CHEK2: variants seen among roughly 807,000 people sequenced by gnomAD.
CHEK2 encodes checkpoint kinase 2, also known as serine/threonine-protein kinase Chk2.
A neutral mutation model predicts 69.1 loss-of-function variants in CHEK2; 71 were observed. The observed-to-expected ratio is 1.03, with a 90% CI of 0.85 to 1.25. CHEK2 has a LOEUF of 1.25. CHEK2 is among the 50% of genes most tolerant of loss of function. CHEK2 has a pLI of 0.00. For synonymous variants in CHEK2, 189 were observed against 226.9 expected (o/e 0.83, Z 1.50); for missense variants, 664 against 649.6 (o/e 1.02, Z -0.24).
chr22:28,695,828 TGA>T lies in CHEK2; in HGVS notation c.1139_1140del (p.Leu380HisfsTer14), dbSNP rs1060502684. 2 of 1,613,874 alleles carry T rather than the reference TGA, an allele frequency of 1.2e-6. No homozygotes were observed. The highest frequency in any genetic ancestry group is 1.7e-6 in the Non-Finnish European group (2 of 1,179,758). ...GTGGGGGTTCCACATAAGGTTCTCA[TGA>T]GAGAGGTCTCTCCCAAAATCTTGGA... The part of the protein sequence containing the change: ...GHSKILGETS[L>X]MRTLCGTPTY... On this transcript the variant is annotated frameshift_variant, in exon 11 of 15. Transcript: ENST00000404276. LOFTEE classifies it high-confidence loss of function.
chr22:28,703,016 G>A (rs758533318), intron 8 of CHEK2, among the ~76,000 whole-genome samples: 26 of 152,280 alleles, frequency 1.7e-4, no homozygotes, highest in Admixed American at 5.9e-4. Context: ...TTTTCGATCT[G>A]AGGTTGGTTG....
chr22:28,702,554 T>C (rs1410272565), intron 8 of CHEK2, among the ~76,000 whole-genome samples: 1 of 144,280 alleles, frequency 6.9e-6, no homozygotes. Flanking sequence ...TTTTTTTTTT[T>C]TTAATTTTTT....
intron 2 of CHEK2, 52 bp from the exon 3 acceptor site, chr22:28,725,419 G>T (rs776588353): frequency 6.2e-7 from 1 of 1,610,198 alleles, no homozygotes; most frequent in Admixed American, 1.7e-5. Flanking sequence ...TGTATCAAAC[G>T]TTTAAAAATT....
chr22:28,731,598 A>G (rs1337367062), intron 2 of CHEK2, among the ~76,000 whole-genome samples: 1 of 151,328 alleles, frequency 6.6e-6, no homozygotes, highest in Non-Finnish European at 1.5e-5. Context: ...TCCGTCTCAA[A>G]TAATAATAAT....
Position 28,725,040 on chromosome 22 carries a change from T to TC in CHEK2, c.528dup (p.Lys177GlufsTer9). 6.2e-7 allele frequency: 1 copy of TC among 1,614,154 alleles called. No individual in the cohort carries two copies. Among genetic ancestry groups the TC allele is most frequent in the South Asian group, 1.1e-5 (1 of 91,084 alleles). On this transcript the variant is annotated frameshift_variant, in exon 4 of 15. Coordinates refer to ENST00000404276, the MANE Select transcript of CHEK2 (RefSeq NM_007194.4). LOFTEE classifies it high-confidence loss of function. ...TTATTCAAAGGACGGCGTTTTCCTT[T>TC]CCCTACAAGCTCTGTATTTACAAAG...
Position 28,725,002 on chromosome 22 carries a change from A to C in CHEK2, c.567T>G (p.Ile189Met). The change falls in exon 4 of 15, where the codon ATT (isoleucine) becomes ATG (methionine). Residue 189 changes from isoleucine to methionine, a missense_variant. Transcript: ENST00000404276. The part of the protein sequence containing the change: ...KRRPLNNNSE[I>M]ALSLSRNKVF... ...CTTTATTTCTGCTTAGTGACAGTGC[A>C]ATTTCAGAATTGTTATTCAAAGGAC... 6.2e-7 allele frequency: 1 copy of C among 1,614,034 alleles called. No homozygotes were observed. Among genetic ancestry groups the C allele is most frequent in the Non-Finnish European group, 8.5e-7 (1 of 1,179,990 alleles).
At chr22:28,689,076 T>C in intron 14 of CHEK2, 59 bp downstream of exon 14, 1 of 1,136,406 alleles carries the variant, frequency 8.8e-7, no homozygotes, top group Non-Finnish European at 1.3e-6. Context: ...TTTCATCATC[T>C]TTGCTTATCA....
intron 6 of CHEK2, among the ~76,000 whole-genome samples, chr22:28,711,313 T>C (rs17883539): frequency 6.7e-4 from 102 of 152,252 alleles, no homozygotes; most frequent in Admixed American, 1.8e-3. Flanking sequence ...CACTGCCATA[T>C]TACCCAGAAC....
At chr22:28,697,122 A>T in intron 9 of CHEK2, 135 bp from the exon 10 acceptor site, 1 of 685,604 alleles carries the variant, frequency 1.5e-6, no homozygotes, top group Non-Finnish European at 2.7e-6. Flanking sequence ...CTCCAAAATC[A>T]TAGAAAACTG....
At chr22:28,717,238 T>C (rs1198496091) in intron 5 of CHEK2, among the ~76,000 whole-genome samples, 1 of 151,858 alleles carries the variant, frequency 6.6e-6, no homozygotes, top group Non-Finnish European at 1.5e-5. Context: ...ATTAGCTGGG[T>C]GTGGTGGCAC....
At chr22:28,694,822 A>G (rs1415816792) in intron 12 of CHEK2, among the ~76,000 whole-genome samples, 1 of 152,378 alleles carries the variant, frequency 6.6e-6, no homozygotes, top group Non-Finnish European at 1.5e-5. Flanking sequence ...ACTTGTGTAC[A>G]TGATACTTAA....
At chr22:28,723,942 G>T (rs1025315349) in intron 4 of CHEK2, among the ~76,000 whole-genome samples, 3 of 150,776 alleles carry the variant, frequency 2.0e-5, no homozygotes, top group African/African-American at 7.3e-5. Context: ...TCTCGAAAAA[G>T]AAAGAAAGAA....
intron 2 of CHEK2, chr22:28,726,360 C>T (rs1380767939): frequency 6.7e-6 from 1 of 149,310 alleles, no homozygotes; most frequent in Non-Finnish European, 1.5e-5. Context: ...CAGAGCAAGA[C>T]CCTGTCTCAA....
At chr22:28,723,980 G>A (rs1002462624) in intron 4 of CHEK2, among the ~76,000 whole-genome samples, 3 of 152,056 alleles carry the variant, frequency 2.0e-5, no homozygotes, top group Admixed American at 6.6e-5. Flanking sequence ...ATGAAGAAAG[G>A]AAAGAATGAG....
chr22:28,703,077 T>C (rs572671281), intron 8 of CHEK2, among the ~76,000 whole-genome samples: 71 of 152,310 alleles, frequency 4.7e-4, no homozygotes, highest in African/African-American at 1.6e-3. Context: ...TATAACAATA[T>C]TGCCCCATGG....
chr22:28,715,213 G>A (rs1475136403), intron 5 of CHEK2, among the ~76,000 whole-genome samples: 1 of 152,022 alleles, frequency 6.6e-6, no homozygotes, highest in Admixed American at 6.6e-5. Flanking sequence ...CACATAGAGA[G>A]AACAATTCTA....
Position 28,689,135 on chromosome 22 carries a change from C to A in CHEK2, c.1542G>T (p.Gln514His), listed in dbSNP as rs747797219. 3 of 1,590,780 alleles carry A rather than the reference C, an allele frequency of 1.9e-6. No homozygotes were observed. Among genetic ancestry groups the A allele is most frequent in the Non-Finnish European group, 1.7e-6 (2 of 1,174,756 alleles). ...TAGTGATCATCAGGAATACGAATAC[C>A]TGGGCTAGAACCTGGGGTAGAGCTG... is the stretch of plus-strand genomic sequence containing the variant. ...ESTALPQVLA[Q>H]PSTSRKRPRE... Residue 514 changes from glutamine to histidine, a missense_variant and splice_region_variant, in exon 14 of 15, where the codon CAG (glutamine) becomes CAT (histidine). Transcript: ENST00000404276.
intron 1 of CHEK2, among the ~76,000 whole-genome samples, chr22:28,741,019 G>A (rs1175969829): frequency 1.3e-5 from 2 of 151,574 alleles, no homozygotes; most frequent in Non-Finnish European, 2.9e-5. Context: ...GCATGGTGGC[G>A]GGTACCTATA....
chr22:28,729,804 G>A (rs2054139310), intron 2 of CHEK2, among the ~76,000 whole-genome samples: 1 of 151,952 alleles, frequency 6.6e-6, no homozygotes, highest in Non-Finnish European at 1.5e-5. Flanking sequence ...GTCTTGCTCT[G>A]TGGCCTGCAA....
Sources: gnomAD v4.1 joint callset for allele counts (sites outside exome capture counted in the v4.1 genomes callset) on GRCh38, gnomAD v4.1.1 for gene constraint, MANE v1.5 for transcripts, NCBI Gene and HGNC (gene_info 2026-07-23, HGNC 2026-07-21) for gene names.